Variants in ACIN1 observed in about 807,000 individuals in gnomAD.
ACIN1 encodes the protein apoptotic chromatin condensation inducer in the nucleus.
In ACIN1, 16 loss-of-function variants were observed where a neutral mutation model predicts 146.6. That is an observed-to-expected ratio of 0.11 (90% CI 0.07 to 0.17). The LOEUF (loss-of-function observed/expected upper bound fraction) is 0.17. ACIN1 is among the 10% of genes least tolerant of loss of function. The pLI is 1.00. For missense variants in ACIN1, 1,357 were observed against 1,609.3 expected, an observed-to-expected ratio of 0.84 and a Z score of 2.68; for synonymous variants, 569 against 582.7, an observed-to-expected ratio of 0.98 and a Z score of 0.34.
chr14:23,075,105 A>C (rs964839562), intron 8 of ACIN1, among the ~76,000 whole-genome samples: 2 of 152,102 alleles, frequency 1.3e-5, no homozygotes, highest in African/African-American at 4.8e-5. Flanking sequence ...TCCCCTGGGG[A>C]ATATCAATTA....
chr14:23,094,789 C>T (rs562921217), intron 1 of ACIN1, 186 bp downstream of exon 1: 3 of 927,402 alleles, frequency 3.2e-6, no homozygotes, highest in South Asian at 1.7e-5. Context: ...GCCGTTAAGG[C>T]GGGAACCGGC....
Position 23,065,952 on chromosome 14 carries a change from G to C in ACIN1, c.2308+14C>G, listed in dbSNP as rs1183414453. On this transcript the variant is annotated intron_variant, in intron 10 of 18. Transcript: ENST00000605057. ...TATTCCTGACTTTTATCAGGGATTT[G>C]GGGCTGGACTTACAGACAACGGAGA... 5.0e-6 allele frequency: 8 copies of C among 1,612,206 alleles called. No individual in the cohort carries two copies. The highest frequency in any genetic ancestry group is 6.8e-6 in the Non-Finnish European group (8 of 1,178,340).
intron 4 of ACIN1, among the ~76,000 whole-genome samples, 155 bp from the exon 5 acceptor site, chr14:23,081,991 G>T (rs984489897): frequency 1.3e-5 from 2 of 152,140 alleles, no homozygotes; most frequent in Admixed American, 1.3e-4. Flanking sequence ...CTAAAGAAAA[G>T]ACTACAAAAA....
At position 23,067,734 on chromosome 14, in the gene ACIN1, A is replaced by G; in HGVS notation, c.2266-1726T>C. Reference sequence around the variant, plus strand: ...CAGGACCCTATGTCCACCAGTGGCAAGCTGCAGCAATAACACCACCCAATA... The same window carrying G: ...CAGGACCCTATGTCCACCAGTGGCAGGCTGCAGCAATAACACCACCCAATA... On this transcript the variant is annotated intron_variant, in intron 9 of 18. Coordinates refer to ENST00000605057, the MANE Select transcript of ACIN1 (RefSeq NM_001386863.1). The surrounding 1 kb of genome is among the most constrained non-coding windows in gnomAD (Gnocchi z 4.6). 1.0e-6 allele frequency: 1 copy of G among 985,936 alleles called. No individual in the cohort carries two copies. The highest frequency in any genetic ancestry group is 1.2e-6 in the Non-Finnish European group (1 of 830,028). The allele number at this position is 985,936 out of a possible 1,614,324, so 61.1% of individuals were successfully genotyped here. A position where few individuals can be genotyped will look rare whatever the true frequency, so the allele number is the denominator to read the frequency against.
In ACIN1 at chr14:23,080,117, T is replaced by C. The variant is rs771067237; in HGVS notation, c.1218A>G (p.Leu406=). ...ACTGGACAGTATGCTGAGATACTAATAGCTCCCTGGTGTCAGCATCTGTAT... is the reference window on the plus strand; with the variant it reads ...ACTGGACAGTATGCTGAGATACTAACAGCTCCCTGGTGTCAGCATCTGTAT... The part of the protein sequence containing the change: ...PPNTDADTRE[L]LVSQHTVQLV... The change falls in exon 6 of 19, where the codon CTA becomes CTG. Residue 406 remains leucine (L), a synonymous_variant. Transcript: ENST00000605057. 13 of 1,614,034 alleles carry C rather than the reference T, an allele frequency of 8.1e-6. No individual in the cohort carries two copies. Among genetic ancestry groups the C allele is most frequent in the African/African-American group, 1.3e-5 (1 of 74,906 alleles).
Position 23,068,526 on chromosome 14 carries a change from C to A in ACIN1, c.2265+950G>T. ...ATCACAGGAGCCCATATACATGCCC[C>A]CCTCTGGCCAAGACACCTGGATAGC... On this transcript the variant is annotated intron_variant, in intron 9 of 18. Coordinates refer to ENST00000605057, the MANE Select transcript of ACIN1 (RefSeq NM_001386863.1). This position sits in a 1 kb window ranked among gnomAD's most constrained non-coding sequence, Gnocchi z 4.3. 1 of 985,926 alleles carries A rather than the reference C, an allele frequency of 1.0e-6. No homozygotes were observed. The highest frequency in any genetic ancestry group is 1.7e-5 in the African/African-American group (1 of 57,372). 61.1% of individuals were successfully genotyped at this position (985,926 alleles called of 1,614,324 possible).
At position 23,064,342 on chromosome 14, in the gene ACIN1, C is replaced by T; in HGVS notation, c.2442+13G>A. The T allele has an allele frequency of 6.2e-7, 1 of 1,614,172 alleles. No homozygotes were observed. The highest frequency in any genetic ancestry group is 8.5e-7 in the Non-Finnish European group (1 of 1,179,980). Reference sequence around the variant, plus strand: ...AGGTCTCATCCTCCCTTCCCTGGCTCCTCCCACCTCACCTTTAGTGATTCA... The same window carrying T: ...AGGTCTCATCCTCCCTTCCCTGGCTTCTCCCACCTCACCTTTAGTGATTCA... On this transcript the variant is annotated intron_variant, in intron 11 of 18. Coordinates refer to ENST00000605057, the MANE Select transcript of ACIN1 (RefSeq NM_001386863.1).
intron 18 of ACIN1, among the ~76,000 whole-genome samples, chr14:23,059,956 G>GTTTTTTTTTTTTT (rs397830741): frequency 6.0e-5 from 6 of 100,136 alleles, no homozygotes; most frequent in African/African-American, 2.5e-4. Context: ...CGCCCCGCCA[G>GTTTTTTTTTTTTT]TTTTTTTTTT....
rs1000046308 is a variant in ACIN1, at chr14:23,064,102, T to C, written c.2595+3A>G. 3 of 1,614,114 alleles carry C rather than the reference T, an allele frequency of 1.9e-6. No individual in the cohort carries two copies. The highest frequency in any genetic ancestry group is 1.6e-4 in the Middle Eastern group (1 of 6,062). On this transcript the variant is annotated splice_donor_region_variant and intron_variant, in intron 12 of 18. Transcript: ENST00000605057. ...CCCTGACACTGGGGTGCAGAAGCCT[T>C]ACCTGAGTGACTGTCCGGCATATTT... is the stretch of plus-strand genomic sequence containing the variant.
chr14:23,071,551 G>C (rs1429156328), intron 8 of ACIN1: 15 of 1,550,082 alleles, frequency 9.7e-6, no homozygotes, highest in Non-Finnish European at 1.3e-5. Context: ...ATGCAGGGGA[G>C]CCATCTTGCC....
At chr14:23,075,461 A>C (rs763077611) in intron 8 of ACIN1, among the ~76,000 whole-genome samples, 2 of 152,024 alleles carry the variant, frequency 1.3e-5, no homozygotes, top group African/African-American at 4.8e-5. Flanking sequence ...AGGACCCACA[A>C]ATTCCTGCTC....
Position 23,067,264 on chromosome 14 carries a change from G to A in ACIN1, c.2266-1256C>T, listed in dbSNP as rs2047489202. Reference sequence around the variant, plus strand: ...ATTAAAAAAAGAAGAAGAAAATAAAGAAGAAAATAAACTAGGAATATGACA... The same window carrying A: ...ATTAAAAAAAGAAGAAGAAAATAAAAAAGAAAATAAACTAGGAATATGACA... On this transcript the variant is annotated intron_variant, in intron 9 of 18. Transcript: ENST00000605057. This position sits in a 1 kb window ranked among gnomAD's most constrained non-coding sequence, Gnocchi z 4.6. 4 of 970,488 alleles carry A rather than the reference G, an allele frequency of 4.1e-6. No individual in the cohort carries two copies. Among genetic ancestry groups the A allele is most frequent in the Non-Finnish European group, 4.9e-6 (4 of 816,362 alleles). The allele number at this position is 970,488 out of a possible 1,614,324, so 60.1% of individuals were successfully genotyped here. A position where few individuals can be genotyped will look rare whatever the true frequency, so the allele number is the denominator to read the frequency against.
At chr14:23,088,583 A>G (rs1455969010) in intron 4 of ACIN1, among the ~76,000 whole-genome samples, 2 of 152,228 alleles carry the variant, frequency 1.3e-5, no homozygotes, top group African/African-American at 4.8e-5. Flanking sequence ...GGAATTCTGT[A>G]TTAATCAGAA....
chr14:23,069,448 C>A (rs372981189), intron 9 of ACIN1, 28 bp downstream of exon 9: 1 of 1,607,838 alleles, frequency 6.2e-7, no homozygotes, highest in South Asian at 1.1e-5. Context: ...CCTGCCCACC[C>A]GCCCCAATAG....
chr14:23,091,920 G>A (rs1566760121), intron 2 of ACIN1, among the ~76,000 whole-genome samples: 5 of 152,018 alleles, frequency 3.3e-5, no homozygotes, highest in Admixed American at 3.3e-4. Context: ...CACAATGCCC[G>A]GCCTCATATC....
chr14:23,091,904 G>C (rs1365764492), intron 2 of ACIN1, among the ~76,000 whole-genome samples: 1 of 152,124 alleles, frequency 6.6e-6, no homozygotes, highest in Non-Finnish European at 1.5e-5. Flanking sequence ...CATTACAGGC[G>C]TGAGCCACAA....
chr14:23,078,033 C>G, intron 8 of ACIN1, 118 bp downstream of exon 8: 1 of 869,170 alleles, frequency 1.2e-6, no homozygotes, highest in South Asian at 1.6e-5. Flanking sequence ...CCAGATAAAG[C>G]TCTGCCTTTA....
intron 1 of ACIN1, among the ~76,000 whole-genome samples, 170 bp from the exon 2 acceptor site, chr14:23,093,714 C>A (rs1471602662): frequency 6.6e-6 from 1 of 152,214 alleles, no homozygotes; most frequent in East Asian, 1.9e-4. Context: ...TCTCATTCAT[C>A]TTCAGAAGAC....
In ACIN1 at chr14:23,059,104, C is replaced by G. The variant is rs2047183995; in HGVS notation, c.*44G>C. ...CCTATCCCTCTGTGGCCATAACCCC[C>G]TGGGGCCGAGTGGCTGGTACCTGCA... On this transcript the variant is annotated 3_prime_UTR_variant, in exon 19 of 19. Coordinates refer to ENST00000605057, the MANE Select transcript of ACIN1 (RefSeq NM_001386863.1). 3 of 1,594,734 alleles carry G rather than the reference C, an allele frequency of 1.9e-6. No homozygotes were observed. Among genetic ancestry groups the G allele is most frequent in the Non-Finnish European group, 1.7e-6 (2 of 1,168,856 alleles).
Sources: allele counts gnomAD v4.1 joint callset (sites outside exome capture counted in the v4.1 genomes callset), GRCh38; gene constraint gnomAD v4.1.1; non-coding constraint Gnocchi (gnomAD v3.1); transcripts MANE v1.5; gene names NCBI Gene and HGNC (gene_info 2026-07-23, HGNC 2026-07-21).